SLIT2: variants seen among roughly 807,000 people sequenced by gnomAD.
SLIT2 encodes the protein slit homolog 2 protein.
SLIT2 carries 41 observed loss-of-function variants against 185.7 expected under a neutral mutation model. That is an observed-to-expected ratio of 0.22 (90% CI 0.17 to 0.29). The LOEUF (loss-of-function observed/expected upper bound fraction) is 0.29. Ranked by LOEUF, SLIT2 falls within the 10% of genes least tolerant of loss-of-function variation. The pLI, the probability that SLIT2 is intolerant of heterozygous loss-of-function variation, is 1.00. For missense variants in SLIT2, 1,571 were observed against 1,909.0 expected, an observed-to-expected ratio of 0.82 and a Z score of 3.30; for synonymous variants, 693 against 680.2, an observed-to-expected ratio of 1.02 and a Z score of -0.29.
Position 20,251,930 on chromosome 4 carries a change from G to C in SLIT2, c.-1886G>C, listed in dbSNP as rs889909650. ...ACTTGGTGTTATTTATTTGGGAAGC[G>C]CCCGGACGGCGGAGCTTGGCGGCGG... is the stretch of plus-strand genomic sequence containing the variant. On this transcript the variant is annotated 5_prime_UTR_variant, in exon 1 of 37. Coordinates refer to ENST00000504154, the MANE Select transcript of SLIT2 (RefSeq NM_004787.4). Among the ~76,000 whole-genome samples the C allele has an allele frequency of 6.6e-6, 1 of 152,134 alleles. No individual in the cohort carries two copies. Among genetic ancestry groups the C allele is most frequent in the Non-Finnish European group, 1.5e-5 (1 of 68,018 alleles).
At chr4:20,586,674 A>T (rs1727092213) in intron 29 of SLIT2, among the ~76,000 whole-genome samples, 1 of 152,222 alleles carries the variant, frequency 6.6e-6, no homozygotes, top group Non-Finnish European at 1.5e-5. Context: ...TAAGTACATA[A>T]ACAAATATAT....
intron 11 of SLIT2, among the ~76,000 whole-genome samples, chr4:20,517,351 A>G (rs534661904): frequency 2.6e-5 from 4 of 152,132 alleles, no homozygotes; most frequent in African/African-American, 9.7e-5. Flanking sequence ...CACAATCTCT[A>G]TTGTTGAATG....
chr4:20,466,174 T>C (rs1714333086), intron 4 of SLIT2, among the ~76,000 whole-genome samples: 1 of 152,172 alleles, frequency 6.6e-6, no homozygotes, highest in Non-Finnish European at 1.5e-5. Flanking sequence ...CTTTGTTCTG[T>C]AGCCTTCTCT....
Position 20,386,595 on chromosome 4 carries a change from T to C in SLIT2, c.396-81157T>C, listed in dbSNP as rs1033368327. On this transcript the variant is annotated intron_variant, in intron 4 of 36. Transcript: ENST00000504154. ...CCTCACTTTTTGATTTTTCAGAACA[T>C]ACTGAAATTCTATTATTCAGTCCTC... 2.0e-5 allele frequency among the ~76,000 whole-genome samples: 3 copies of C among 152,348 alleles called. No individual in the cohort carries two copies. In the East Asian group the frequency reaches 5.8e-4, roughly 29 times the overall value.
chr4:20,336,086 C>T (rs371512731), intron 4 of SLIT2, among the ~76,000 whole-genome samples: 1 of 152,206 alleles, frequency 6.6e-6, no homozygotes. Context: ...ACTTTCCATT[C>T]CATGATGACA....
intron 4 of SLIT2, among the ~76,000 whole-genome samples, chr4:20,384,851 A>T (rs543985907): frequency 2.0e-5 from 3 of 152,212 alleles, no homozygotes; most frequent in Non-Finnish European, 4.4e-5. Context: ...AAGTTAAAAT[A>T]TGTAAGCTGA....
rs990516486 is a variant in SLIT2, at chr4:20,542,770, A to C, written c.2276+144A>C. On this transcript the variant is annotated intron_variant, in intron 21 of 36. Transcript: ENST00000504154. ...TTAATTATTATCCTGTAAAATGGTA[A>C]ATAAGTAATGCAAAAGCTACTTTAG... is the stretch of plus-strand genomic sequence containing the variant. 3.5e-6 allele frequency: 3 copies of C among 861,966 alleles called. No homozygotes were observed. The African/African-American group carries it at 5.1e-5, about 15-fold the overall frequency. The allele number at this position is 861,966 out of a possible 1,614,324, so 53.4% of individuals were successfully genotyped here.
chr4:20,440,992 T>C (rs2148699630), intron 4 of SLIT2, among the ~76,000 whole-genome samples: 1 of 152,032 alleles, frequency 6.6e-6, no homozygotes, highest in East Asian at 1.9e-4. Flanking sequence ...TTCACTGAAT[T>C]ATCTTTCTGT....
intron 4 of SLIT2, among the ~76,000 whole-genome samples, chr4:20,448,074 G>T (rs536825645): frequency 6.6e-6 from 1 of 152,266 alleles, no homozygotes; most frequent in African/African-American, 2.4e-5. Flanking sequence ...AGCTCAAAAA[G>T]TCCATGTGTC....
intron 4 of SLIT2, among the ~76,000 whole-genome samples, chr4:20,286,451 C>T (rs1321905503): frequency 2.0e-5 from 3 of 152,124 alleles, no homozygotes; most frequent in Admixed American, 1.3e-4. Context: ...ACTTCCTGCT[C>T]CTGTATTTCT....
At chr4:20,552,826 T>A (rs1560189438) in intron 25 of SLIT2, 1 of 152,176 alleles carries the variant, frequency 6.6e-6, no homozygotes, top group Non-Finnish European at 1.5e-5. Context: ...TTAAATGCCA[T>A]TGTATGCATC....
chr4:20,573,182 T>A (rs999835287), intron 29 of SLIT2: 2 of 702,762 alleles, frequency 2.8e-6, no homozygotes, highest in Non-Finnish European at 5.2e-6. Flanking sequence ...TGCTCTGCTG[T>A]TGTATTGCAA....
At chr4:20,509,317 G>A (rs567111380) in intron 9 of SLIT2, among the ~76,000 whole-genome samples, 1 of 152,112 alleles carries the variant, frequency 6.6e-6, no homozygotes, top group Middle Eastern at 3.4e-3. Flanking sequence ...AACAGTTGAA[G>A]GAAGGTAACA....
chr4:20,481,114 T>C (rs1716659126), intron 6 of SLIT2, among the ~76,000 whole-genome samples: 1 of 152,078 alleles, frequency 6.6e-6, no homozygotes. Context: ...AAAAACCTCT[T>C]AGTAGCTGAT....
chr4:20,576,953 T>G (rs1726127351), intron 29 of SLIT2, among the ~76,000 whole-genome samples: 3 of 152,120 alleles, frequency 2.0e-5, no homozygotes, highest in African/African-American at 7.2e-5. Flanking sequence ...CACTTCATTT[T>G]CTGTTTGTTT....
chr4:20,542,958 G>A (rs1413784660), intron 21 of SLIT2, among the ~76,000 whole-genome samples: 1 of 151,338 alleles, frequency 6.6e-6, no homozygotes, highest in African/African-American at 2.4e-5. Flanking sequence ...ACATTTATTT[G>A]TTCCTATACC....
At position 20,479,840 on chromosome 4, in the gene SLIT2, A is replaced by T. The variant is rs138199846; in HGVS notation, c.468-876A>T. 3.9e-4 allele frequency among the ~76,000 whole-genome samples: 60 copies of T among 152,300 alleles called. No individual in the cohort carries two copies. In the East Asian group the frequency reaches 0.011, roughly 28 times the overall value. On this transcript the variant is annotated intron_variant, in intron 5 of 36. Coordinates refer to ENST00000504154, the MANE Select transcript of SLIT2 (RefSeq NM_004787.4). ...TGGAGAAGATTCATTTACTTCAATT[A>T]TGCATTATTTAGAATTTCACTGATA...
rs914227962 is a variant in SLIT2 at position 20,435,491 on chromosome 4, A to G, written c.396-32261A>G. 1.6e-4 allele frequency among the ~76,000 whole-genome samples: 24 copies of G among 152,212 alleles called. 1 individual carries two copies. Among genetic ancestry groups the G allele is most frequent in the African/African-American group, 5.5e-4 (23 of 41,454 alleles). On this transcript the variant is annotated intron_variant, in intron 4 of 36. Transcript: ENST00000504154. The stretch of plus-strand genomic sequence containing the variant: ...AAAAAAACTGTAATTAAATGAGTGT[A>G]GTTCAAAGGATAGTGCTGTAAGATT...
intron 3 of SLIT2, among the ~76,000 whole-genome samples, chr4:20,267,757 A>G (rs940767558): frequency 6.6e-6 from 1 of 151,986 alleles, no homozygotes; most frequent in African/African-American, 2.4e-5. Context: ...CAATATGTCA[A>G]GATTGATATG....
Sources: allele counts gnomAD v4.1 joint callset (sites outside exome capture counted in the v4.1 genomes callset), GRCh38; gene constraint gnomAD v4.1.1; transcripts MANE v1.5; gene names NCBI Gene and HGNC (gene_info 2026-07-23, HGNC 2026-07-21).